Variants in RIN2 observed in about 807,000 individuals in gnomAD.
RIN2 encodes RAB5 interacting protein 2.
RIN2 carries 36 observed loss-of-function variants against 78.0 expected under a neutral mutation model. The ratio of observed to expected loss-of-function variants is 0.46; its 90% CI spans 0.35 to 0.61. The LOEUF (loss-of-function observed/expected upper bound fraction) is 0.61. Ranked by LOEUF, RIN2 falls within the 20% of genes least tolerant of loss-of-function variation. The pLI, the probability that RIN2 is intolerant of heterozygous loss-of-function variation, is 0.00. For synonymous variants in RIN2, 466 were observed against 466.8 expected (o/e 1.00, Z 0.02); for missense variants, 1,087 against 1,159.7 (o/e 0.94, Z 0.91).
chr20:19,893,722 A>G lies in RIN2; in HGVS notation c.57+4064A>G, dbSNP rs78422294. The stretch of plus-strand genomic sequence containing the variant: ...AACCCATTTTCCAGGCACTCACAGC[A>G]CCATTGTTAATTTTCCACAACCATC... On this transcript the variant is annotated intron_variant, in intron 3 of 12. Coordinates refer to ENST00000255006, the MANE Select transcript of RIN2 (RefSeq NM_018993.4). Among the ~76,000 whole-genome samples the G allele has an allele frequency of 1.9e-3, 291 of 152,242 alleles. 2 individuals are homozygous for G. In the East Asian group the frequency reaches 0.033, roughly 17 times the overall value.
At chr20:19,868,022 C>T (rs1330022890) in intron 2 of RIN2, among the ~76,000 whole-genome samples, 1 of 152,240 alleles carries the variant, frequency 6.6e-6, no homozygotes, top group African/African-American at 2.4e-5. Flanking sequence ...TGGCGTGGGG[C>T]ATGCTGGTGC....
At chr20:19,837,270 A>G (rs2036450637) in intron 2 of RIN2, among the ~76,000 whole-genome samples, 1 of 152,028 alleles carries the variant, frequency 6.6e-6, no homozygotes, top group Admixed American at 6.6e-5. Flanking sequence ...GAATCTGTTC[A>G]TGTAATAGCA....
At chr20:19,930,120 A>G (rs982084341) in intron 3 of RIN2, among the ~76,000 whole-genome samples, 4 of 152,124 alleles carry the variant, frequency 2.6e-5, no homozygotes, top group Admixed American at 1.3e-4. Flanking sequence ...GAGGGACCAA[A>G]AAAAAGTCCC....
chr20:19,845,418 T>A (rs1447914193), intron 2 of RIN2, among the ~76,000 whole-genome samples: 1 of 152,224 alleles, frequency 6.6e-6, no homozygotes, highest in Non-Finnish European at 1.5e-5. Context: ...TTTTTAATGA[T>A]CACCATTCTA....
At chr20:19,886,167 G>A (rs924446081) in intron 2 of RIN2, among the ~76,000 whole-genome samples, 4 of 152,290 alleles carry the variant, frequency 2.6e-5, no homozygotes, top group African/African-American at 4.8e-5. Context: ...AATGGAAATC[G>A]GGGACTCTGT....
intron 11 of RIN2, among the ~76,000 whole-genome samples, chr20:19,994,412 G>A (rs892494783): frequency 6.6e-6 from 1 of 152,220 alleles, no homozygotes; most frequent in Non-Finnish European, 1.5e-5. Context: ...TGTTTAAGCA[G>A]GTATTCTCAT....
chr20:19,996,580 C>T, intron 11 of RIN2, 99 bp from the exon 12 acceptor site: 2 of 1,252,038 alleles, frequency 1.6e-6, no homozygotes, highest in Non-Finnish European at 1.2e-6. Flanking sequence ...TGAAGAAATA[C>T]TAAAAATACA....
intron 2 of RIN2, among the ~76,000 whole-genome samples, chr20:19,835,026 A>G (rs1015759476): frequency 2.0e-5 from 3 of 151,926 alleles, no homozygotes; most frequent in African/African-American, 7.3e-5. Flanking sequence ...GAGAGAGAGA[A>G]AAAAGAGAAA....
At chr20:19,863,508 C>G (rs1480424805) in intron 2 of RIN2, among the ~76,000 whole-genome samples, 1 of 152,170 alleles carries the variant, frequency 6.6e-6, no homozygotes, top group African/African-American at 2.4e-5. Flanking sequence ...TCCCTCACCC[C>G]CTTCAGAAGG....
At chr20:19,764,927 T>TTTTTTTTTTG (rs2033815677) in intron 1 of RIN2, among the ~76,000 whole-genome samples, 2 of 120,028 alleles carry the variant, frequency 1.7e-5, no homozygotes, top group Non-Finnish European at 3.4e-5. Context: ...CGTTTTTTTT[T>TTTTTTTTTTG]TTTTTTTTTT....
At chr20:19,931,909 T>C (rs2040456810) in intron 3 of RIN2, among the ~76,000 whole-genome samples, 4 of 152,230 alleles carry the variant, frequency 2.6e-5, no homozygotes. Context: ...TGCAAAGGTA[T>C]CTTTGGGCCC....
intron 2 of RIN2, among the ~76,000 whole-genome samples, chr20:19,860,974 GAA>G (rs950893098): frequency 9.9e-5 from 15 of 152,186 alleles, no homozygotes; most frequent in African/African-American, 3.1e-4. Context: ...CCAGGGCAAA[GAA>G]CACCCTTCTT....
chr20:19,988,771 C>G (rs1055376075), intron 9 of RIN2, among the ~76,000 whole-genome samples: 11 of 152,272 alleles, frequency 7.2e-5, no homozygotes, highest in Admixed American at 1.3e-4. Context: ...ACATTTTTAA[C>G]TTTTAATTTT....
intron 2 of RIN2, among the ~76,000 whole-genome samples, chr20:19,828,656 G>A (rs2036166111): frequency 5.3e-5 from 8 of 152,160 alleles, no homozygotes; most frequent in Admixed American, 5.2e-4. Flanking sequence ...TGACTTAACA[G>A]AGACAGCTTA....
At chr20:19,892,170 G>A (rs866762690) in intron 3 of RIN2, among the ~76,000 whole-genome samples, 4 of 152,264 alleles carry the variant, frequency 2.6e-5, no homozygotes, top group Middle Eastern at 6.8e-3. Flanking sequence ...TAACTTGTCT[G>A]TAATTTTGTG....
intron 2 of RIN2, among the ~76,000 whole-genome samples, chr20:19,800,622 A>G (rs1419702242): frequency 6.6e-6 from 1 of 152,176 alleles, no homozygotes; most frequent in Non-Finnish European, 1.5e-5. Context: ...TGACAGCCCC[A>G]CTGACATGGG....
intron 2 of RIN2, among the ~76,000 whole-genome samples, chr20:19,834,880 G>T (rs767916871): frequency 1.3e-5 from 2 of 151,498 alleles, no homozygotes; most frequent in Non-Finnish European, 2.9e-5. Flanking sequence ...GGAGGTCAAG[G>T]CTGCAATAAG....
At chr20:19,799,794 TTTC>T in intron 2 of RIN2, 47 bp downstream of exon 2, 1 of 152,022 alleles carries the variant, frequency 6.6e-6, no homozygotes, top group Non-Finnish European at 1.5e-5. Context: ...ACCCCAGCGT[TTTC>T]TTCATTTCCA....
chr20:19,856,835 G>A (rs535196900), intron 2 of RIN2, among the ~76,000 whole-genome samples: 1 of 152,284 alleles, frequency 6.6e-6, no homozygotes, highest in South Asian at 2.1e-4. Context: ...CTTTGGCTGT[G>A]AACTGATTCC....
Sources: gnomAD v4.1 joint callset for allele counts (sites outside exome capture counted in the v4.1 genomes callset) on GRCh38, gnomAD v4.1.1 for gene constraint, MANE v1.5 for transcripts, NCBI Gene and HGNC (gene_info 2026-07-23, HGNC 2026-07-21) for gene names.